KIF6: variants seen among roughly 807,000 people sequenced by gnomAD.
The protein encoded by KIF6 is kinesin family member 6.
A neutral mutation model predicts 112.7 loss-of-function variants in KIF6; 106 were observed. That is an observed-to-expected ratio of 0.94 (90% CI 0.80 to 1.11). KIF6 has a LOEUF of 1.11. Among genes scored for constraint, KIF6 ranks in the 50% least tolerant of loss-of-function variants. The pLI is 0.00. For missense variants in KIF6, 929 were observed against 964.0 expected (o/e 0.96, Z 0.48); for synonymous variants, 339 against 339.9 (o/e 1.00, Z 0.03).
At chr6:39,686,031 G>A (rs1254130377) in intron 3 of KIF6, among the ~76,000 whole-genome samples, 1 of 152,228 alleles carries the variant, frequency 6.6e-6, no homozygotes, top group East Asian at 1.9e-4. Context: ...CTTTCATGAT[G>A]AGGGTTGGAT....
intron 10 of KIF6, among the ~76,000 whole-genome samples, chr6:39,566,380 T>C (rs183923357): frequency 5.3e-4 from 81 of 152,362 alleles, no homozygotes; most frequent in Middle Eastern, 6.8e-3. Flanking sequence ...CTACTTTACT[T>C]TTGAATTTCC....
chr6:39,422,572 A>G (rs1007152348), intron 14 of KIF6, among the ~76,000 whole-genome samples: 2 of 152,210 alleles, frequency 1.3e-5, no homozygotes, highest in Admixed American at 6.5e-5. Context: ...CTGGTTGTCA[A>G]GACGAACTCT....
At chr6:39,375,508 A>G (rs952556043) in intron 16 of KIF6, among the ~76,000 whole-genome samples, 2 of 152,218 alleles carry the variant, frequency 1.3e-5, no homozygotes, top group Non-Finnish European at 2.9e-5. Flanking sequence ...AGAAGCAAAC[A>G]AAAATACCAA....
At chr6:39,504,453 C>T (rs1385439308) in intron 13 of KIF6, among the ~76,000 whole-genome samples, 3 of 152,160 alleles carry the variant, frequency 2.0e-5, no homozygotes, top group Non-Finnish European at 2.9e-5. Context: ...GAAGGATGTC[C>T]TCTGTCACCA....
At chr6:39,346,106 CCTCCCT>C (rs1763749256) in intron 20 of KIF6, among the ~76,000 whole-genome samples, 3 of 31,546 alleles carry the variant, frequency 9.5e-5, no homozygotes, top group African/African-American at 4.5e-4. Context: ...TCCCTCCCCC[CCTCCCT>C]CTCCCTCTCC....
chr6:39,361,797 C>T (rs1333218982), intron 17 of KIF6, among the ~76,000 whole-genome samples: 1 of 145,902 alleles, frequency 6.9e-6, no homozygotes, highest in Non-Finnish European at 1.5e-5. Context: ...GGCGGTGGTG[C>T]ATGCCAGGTC....
intron 21 of KIF6, among the ~76,000 whole-genome samples, chr6:39,344,179 T>TAC (rs1763537771): frequency 6.6e-6 from 1 of 152,216 alleles, no homozygotes; most frequent in South Asian, 2.1e-4. Flanking sequence ...TGAATAAGTC[T>TAC]CATGAGATCT....
chr6:39,342,162 G>T lies in KIF6; in HGVS notation c.2428+1547C>A, dbSNP rs1401570683. 6.6e-6 allele frequency among the ~76,000 whole-genome samples: 1 copy of T among 152,182 alleles called. No homozygotes were observed. The highest frequency in any genetic ancestry group is 6.5e-5 in the Admixed American group (1 of 15,278). ...AGGCTTCTCGCTTTCCGCTCTGTCTGCTAGGACTGTGCATTCCCAGAACGC... is the reference window on the plus strand; with the variant it reads ...AGGCTTCTCGCTTTCCGCTCTGTCTTCTAGGACTGTGCATTCCCAGAACGC... On this transcript the variant is annotated intron_variant, in intron 22 of 22. Coordinates refer to ENST00000287152, the MANE Select transcript of KIF6 (RefSeq NM_145027.6). The surrounding 1 kb of genome is among the most constrained non-coding windows in gnomAD (Gnocchi z 4.7).
chr6:39,505,749 A>G (rs1216837906), intron 13 of KIF6, among the ~76,000 whole-genome samples: 1 of 152,264 alleles, frequency 6.6e-6, no homozygotes, highest in East Asian at 1.9e-4. Flanking sequence ...AACATATGAA[A>G]AAAAGCTTAA....
At chr6:39,588,444 G>A (rs1313890004) in intron 7 of KIF6, among the ~76,000 whole-genome samples, 1 of 151,936 alleles carries the variant, frequency 6.6e-6, no homozygotes, top group African/African-American at 2.4e-5. Flanking sequence ...CAAACTCCTG[G>A]CTCCAGTGAT....
chr6:39,681,193 C>A (rs995937932), intron 3 of KIF6, among the ~76,000 whole-genome samples: 5 of 152,122 alleles, frequency 3.3e-5, no homozygotes, highest in African/African-American at 9.7e-5. Flanking sequence ...GATTTGAACA[C>A]AATGACCATT....
At chr6:39,652,837 T>TA (rs1785557305) in intron 3 of KIF6, among the ~76,000 whole-genome samples, 1 of 152,198 alleles carries the variant, frequency 6.6e-6, no homozygotes, top group African/African-American at 2.4e-5. Context: ...CTAAATATAA[T>TA]ATTCTTTCTA....
intron 13 of KIF6, among the ~76,000 whole-genome samples, chr6:39,435,443 C>T (rs535128190): frequency 1.2e-4 from 19 of 152,222 alleles, no homozygotes; most frequent in Admixed American, 7.2e-4. Context: ...ATGAATTGTA[C>T]AGCAGTGAAG....
intron 3 of KIF6, among the ~76,000 whole-genome samples, chr6:39,657,181 A>G (rs1319157246): frequency 1.3e-5 from 2 of 151,688 alleles, no homozygotes; most frequent in African/African-American, 4.8e-5. Flanking sequence ...TGCAGTGAGC[A>G]GAGATAGCAC....
chr6:39,455,725 A>G (rs976543079), intron 13 of KIF6, among the ~76,000 whole-genome samples: 5 of 152,146 alleles, frequency 3.3e-5, no homozygotes, highest in Non-Finnish European at 5.9e-5. Flanking sequence ...TGAAGAATGC[A>G]GAAGCCTCAG....
At chr6:39,680,421 A>G (rs1399959939) in intron 3 of KIF6, among the ~76,000 whole-genome samples, 1 of 152,228 alleles carries the variant, frequency 6.6e-6, no homozygotes, top group Non-Finnish European at 1.5e-5. Context: ...TTCAGTGACT[A>G]TGCACTGACT....
intron 13 of KIF6, among the ~76,000 whole-genome samples, chr6:39,437,034 G>A (rs201079111): frequency 6.8e-6 from 1 of 147,768 alleles, no homozygotes. Flanking sequence ...TGTCATCTAT[G>A]TTTTTTTTCA....
At chr6:39,453,347 C>T (rs1772827223) in intron 13 of KIF6, among the ~76,000 whole-genome samples, 1 of 152,150 alleles carries the variant, frequency 6.6e-6, no homozygotes, top group Admixed American at 6.5e-5. Context: ...AAGGCAATGT[C>T]GTCCGAGTTT....
At chr6:39,371,761 T>G (rs1286063945) in intron 16 of KIF6, among the ~76,000 whole-genome samples, 1 of 152,104 alleles carries the variant, frequency 6.6e-6, no homozygotes, top group African/African-American at 2.4e-5. Context: ...CTGACCCATA[T>G]AGATTCAAAT....
Sources: allele counts gnomAD v4.1 joint callset (sites outside exome capture counted in the v4.1 genomes callset), GRCh38; gene constraint gnomAD v4.1.1; non-coding constraint Gnocchi (gnomAD v3.1); transcripts MANE v1.5; gene names NCBI Gene and HGNC (gene_info 2026-07-23, HGNC 2026-07-21).